DGKB: variants seen among roughly 807,000 people sequenced by gnomAD.
The protein encoded by DGKB is 90 kDa diacylglycerol kinase.
In DGKB, 67 loss-of-function variants were observed where a neutral mutation model predicts 114.3. That is an observed-to-expected ratio of 0.59 (90% CI 0.48 to 0.72). The LOEUF (loss-of-function observed/expected upper bound fraction) is 0.72. DGKB is among the 30% of genes least tolerant of loss of function. The pLI, the probability that DGKB is intolerant of heterozygous loss-of-function variation, is 0.00. For missense variants in DGKB, 907 were observed against 975.2 expected, an observed-to-expected ratio of 0.93 and a Z score of 0.93; for synonymous variants, 398 against 323.1, an observed-to-expected ratio of 1.23 and a Z score of -2.49.
chr7:14,586,216 C>A (rs1041815136), intron 17 of DGKB, among the ~76,000 whole-genome samples: 1 of 151,992 alleles, frequency 6.6e-6, no homozygotes, highest in African/African-American at 2.4e-5. Flanking sequence ...GTTACTCCAG[C>A]GAACACACAA....
At chr7:14,289,615 C>T (rs1267455783) in intron 23 of DGKB, among the ~76,000 whole-genome samples, 1 of 151,936 alleles carries the variant, frequency 6.6e-6, no homozygotes, top group Non-Finnish European at 1.5e-5. Context: ...ATTCATAGCA[C>T]TATGCCATAA....
chr7:14,837,612 C>G (rs1049545614), intron 2 of DGKB, among the ~76,000 whole-genome samples: 1 of 152,034 alleles, frequency 6.6e-6, no homozygotes, highest in African/African-American at 2.4e-5. Context: ...ACAAATCAAA[C>G]TCAAGAAAGT....
At chr7:14,432,515 T>A (rs1260722871) in intron 21 of DGKB, among the ~76,000 whole-genome samples, 1 of 152,180 alleles carries the variant, frequency 6.6e-6, no homozygotes, top group Non-Finnish European at 1.5e-5. Flanking sequence ...TTATCCTACT[T>A]CTACTTCCTC....
At position 14,211,521 on chromosome 7, in the gene DGKB, A is replaced by G. The variant is rs76038078; in HGVS notation, c.2123-33370T>C. 7.7e-3 allele frequency among the ~76,000 whole-genome samples: 147 copies of G among 19,066 alleles called. 5 individuals carry two copies. The highest frequency in any genetic ancestry group is 7.5e-3 in the Non-Finnish European group (93 of 12,452). The allele number at this position is 19,066 out of a possible 152,430, so 12.5% of individuals were successfully genotyped here. On this transcript the variant is annotated intron_variant, in intron 23 of 25. Transcript: ENST00000402815. ...TCTCATGTTTTGTGATTTTACTCTC[A>G]TGTTTTGTGATTTTACTCTCATGTT...
rs560556935 is a variant in DGKB at position 14,314,602 on chromosome 7, A to G, written c.2122+23913T>C. 1.2e-4 allele frequency among the ~76,000 whole-genome samples: 19 copies of G among 152,280 alleles called. No homozygotes were observed. In the East Asian group the frequency reaches 3.3e-3, roughly 26 times the overall value. Reference sequence around the variant, plus strand: ...AGAGAAAAAAGAATAAAAAGAAATGAGCAAAGCCTCCAAGAACTACGGGAC... The same window carrying G: ...AGAGAAAAAAGAATAAAAAGAAATGGGCAAAGCCTCCAAGAACTACGGGAC... On this transcript the variant is annotated intron_variant, in intron 23 of 25. Coordinates refer to ENST00000402815, the MANE Select transcript of DGKB (RefSeq NM_001350709.2).
chr7:14,876,780 T>C lies in DGKB; in HGVS notation c.-188+25812A>G, dbSNP rs1236765392. On this transcript the variant is annotated intron_variant, in intron 1 of 25. Coordinates refer to ENST00000402815, the MANE Select transcript of DGKB (RefSeq NM_001350709.2). ...AATTCTATATACCTCCTCAACTAAC[T>C]AGGCAAAGTATGTTAAAAGTATATT... Among the ~76,000 whole-genome samples, 6 of 152,322 alleles carry C rather than the reference T, an allele frequency of 3.9e-5. No individual in the cohort carries two copies. The East Asian group carries it at 7.7e-4, about 20-fold the overall frequency.
At chr7:14,302,269 G>C (rs1467753030) in intron 23 of DGKB, among the ~76,000 whole-genome samples, 1 of 152,070 alleles carries the variant, frequency 6.6e-6, no homozygotes, top group Non-Finnish European at 1.5e-5. Context: ...GTACAGAGGA[G>C]AGAGAACATA....
intron 1 of DGKB, among the ~76,000 whole-genome samples, chr7:14,943,847 T>C (rs1191955884): frequency 1.3e-5 from 2 of 151,940 alleles, no homozygotes; most frequent in African/African-American, 4.8e-5. Context: ...CATTTCACTA[T>C]TATTAAGTCA....
chr7:14,830,200 G>C (rs1034163274), intron 2 of DGKB, among the ~76,000 whole-genome samples: 1 of 151,962 alleles, frequency 6.6e-6, no homozygotes, highest in African/African-American at 2.4e-5. Flanking sequence ...CAGCTAATCT[G>C]ATATTAGTAA....
At chr7:14,333,883 T>C (rs1810183827) in intron 23 of DGKB, among the ~76,000 whole-genome samples, 1 of 152,202 alleles carries the variant, frequency 6.6e-6, no homozygotes, top group Non-Finnish European at 1.5e-5. Context: ...AAGCTTCAAT[T>C]AGTCAAATAT....
chr7:14,474,656 A>C (rs1487457823), intron 21 of DGKB, among the ~76,000 whole-genome samples: 3 of 151,926 alleles, frequency 2.0e-5, no homozygotes, highest in African/African-American at 7.3e-5. Flanking sequence ...CCTTTTTTTC[A>C]AAAAAGGAAG....
chr7:14,927,886 C>T (rs555690615), intron 1 of DGKB, among the ~76,000 whole-genome samples: 2 of 151,754 alleles, frequency 1.3e-5, no homozygotes, highest in East Asian at 3.9e-4. Context: ...ATTTTGAGAT[C>T]TCAGTTAAGA....
intron 2 of DGKB, among the ~76,000 whole-genome samples, chr7:14,793,128 C>A (rs1361512132): frequency 6.6e-6 from 1 of 151,992 alleles, no homozygotes; most frequent in Non-Finnish European, 1.5e-5. Flanking sequence ...AACACAGGAG[C>A]CACAGACTTC....
chr7:14,722,542 C>T lies in DGKB; in HGVS notation c.323-3857G>A, dbSNP rs143581608. Among the ~76,000 whole-genome samples the T allele has an allele frequency of 1.2e-4, 19 of 152,136 alleles. No individual in the cohort carries two copies. In the East Asian group the frequency reaches 3.3e-3, roughly 26 times the overall value. ...TTAATAAAAAAGCTTGGCCAGGCAC[C>T]GGAACTCATGCCTGCAATCCCAGCA... On this transcript the variant is annotated intron_variant, in intron 5 of 25. Coordinates refer to ENST00000402815, the MANE Select transcript of DGKB (RefSeq NM_001350709.2).
At chr7:14,589,903 A>C (rs1356940842) in intron 17 of DGKB, among the ~76,000 whole-genome samples, 1 of 151,632 alleles carries the variant, frequency 6.6e-6, no homozygotes, top group Non-Finnish European at 1.5e-5. Context: ...ACCGCCTCAT[A>C]AAATATGTTG....
At chr7:14,196,392 T>G (rs543560202) in intron 23 of DGKB, among the ~76,000 whole-genome samples, 8 of 152,258 alleles carry the variant, frequency 5.3e-5, no homozygotes, top group African/African-American at 1.4e-4. Context: ...TCTAATAAGC[T>G]AACTGTTAAC....
rs1829794729 is a variant in DGKB at position 14,724,944 on chromosome 7, A to G, written c.323-6259T>C. Reference sequence around the variant, plus strand: ...TAGTGTTTTGGGAGGCCAAGGCAAAAAGATCATTTGAGTCCAGGAGTTTGA... The same window carrying G: ...TAGTGTTTTGGGAGGCCAAGGCAAAGAGATCATTTGAGTCCAGGAGTTTGA... On this transcript the variant is annotated intron_variant, in intron 5 of 25. Transcript: ENST00000402815. Among the ~76,000 whole-genome samples, 3 of 152,304 alleles carry G rather than the reference A, an allele frequency of 2.0e-5. No homozygotes were observed. In the South Asian group the frequency reaches 6.2e-4, roughly 32 times the overall value.
At chr7:14,202,450 G>T (rs113729982) in intron 23 of DGKB, among the ~76,000 whole-genome samples, 1 of 151,930 alleles carries the variant, frequency 6.6e-6, no homozygotes, top group African/African-American at 2.4e-5. Context: ...TTGTTACTTA[G>T]CCACACTGTT....
intron 21 of DGKB, among the ~76,000 whole-genome samples, chr7:14,405,097 C>A (rs147327236): frequency 2.8e-5 from 2 of 71,714 alleles, no homozygotes; most frequent in African/African-American, 1.1e-4. Flanking sequence ...AATTGAAATT[C>A]TTGATTTCCA....
Sources: gnomAD v4.1 joint callset for allele counts (sites outside exome capture counted in the v4.1 genomes callset) on GRCh38, gnomAD v4.1.1 for gene constraint, MANE v1.5 for transcripts, NCBI Gene and HGNC (gene_info 2026-07-23, HGNC 2026-07-21) for gene names.